Variants in MGAT4C observed in about 807,000 individuals in gnomAD.
The protein encoded by MGAT4C is alpha-1,3-mannosyl-glycoprotein 4-beta-N-acetylglucosaminyltransferase C.
A neutral mutation model predicts 40.1 loss-of-function variants in MGAT4C; 19 were observed. The ratio of observed to expected loss-of-function variants is 0.47; its 90% CI spans 0.33 to 0.70. The LOEUF is 0.70. Ranked by LOEUF, MGAT4C falls within the 30% of genes least tolerant of loss-of-function variation. The probability of loss-of-function intolerance (pLI) is 0.02; values close to 1 mark genes in which losing one functional copy is unlikely to be tolerated. For missense variants in MGAT4C, 491 were observed against 563.2 expected, an observed-to-expected ratio of 0.87 and a Z score of 1.30; for synonymous variants, 181 against 187.1, an observed-to-expected ratio of 0.97 and a Z score of 0.27.
At chr12:86,390,445 A>T (rs1027431314) in intron 3 of MGAT4C, among the ~76,000 whole-genome samples, 1 of 152,218 alleles carries the variant, frequency 6.6e-6, no homozygotes, top group African/African-American at 2.4e-5. Flanking sequence ...GAAAATATTT[A>T]TGGAAAATAA....
Position 86,346,898 on chromosome 12 carries a change from G to A in MGAT4C, c.-119-12771C>T, listed in dbSNP as rs117319877. 5.0e-3 allele frequency among the ~76,000 whole-genome samples: 768 copies of A among 152,310 alleles called. 2 individuals carry two copies. The highest frequency in any genetic ancestry group is 8.2e-3 in the Non-Finnish European group (561 of 68,022). On this transcript the variant is annotated intron_variant, in intron 3 of 7. Transcript: ENST00000548651. ...AAAAGGTGGAATAAGCAGACTTGCT[G>A]TGTCTTCCGGCCTTCATCATACTCC...
intron 3 of MGAT4C, among the ~76,000 whole-genome samples, chr12:86,417,075 A>C (rs774051349): frequency 1.3e-5 from 2 of 152,132 alleles, no homozygotes; most frequent in Non-Finnish European, 2.9e-5. Context: ...AGCACTAGGA[A>C]ACTAATACAT....
chr12:86,716,405 T>A (rs1433859773), intron 2 of MGAT4C, among the ~76,000 whole-genome samples: 3 of 152,136 alleles, frequency 2.0e-5, no homozygotes. Context: ...TTGGTGGTGT[T>A]CATTAATCTT....
chr12:86,694,201 C>A (rs545456284), intron 2 of MGAT4C, among the ~76,000 whole-genome samples: 2 of 152,094 alleles, frequency 1.3e-5, no homozygotes, highest in African/African-American at 4.8e-5. Context: ...ATCTTCTTTT[C>A]TCTGCCCTAG....
intron 3 of MGAT4C, among the ~76,000 whole-genome samples, chr12:86,392,844 T>G (rs1047440089): frequency 6.6e-6 from 1 of 152,204 alleles, no homozygotes. Flanking sequence ...TGGAAGAAAT[T>G]CATCATCAAT....
intron 1 of MGAT4C, among the ~76,000 whole-genome samples, chr12:86,066,254 C>G (rs1448514935): frequency 1.3e-5 from 2 of 152,132 alleles, no homozygotes; most frequent in African/African-American, 4.8e-5. Context: ...ATAGCCAAGA[C>G]AATCGTAAGC....
chr12:86,625,637 C>G (rs1236385336), intron 2 of MGAT4C, among the ~76,000 whole-genome samples: 1 of 152,006 alleles, frequency 6.6e-6, no homozygotes, highest in African/African-American at 2.4e-5. Flanking sequence ...GGAAAGCATA[C>G]TAACAGATAT....
chr12:86,361,279 C>T (rs1421839648), intron 3 of MGAT4C, among the ~76,000 whole-genome samples: 2 of 152,110 alleles, frequency 1.3e-5, no homozygotes, highest in Non-Finnish European at 2.9e-5. Flanking sequence ...TACTGGCTAG[C>T]CATACGTAGA....
intron 1 of MGAT4C, among the ~76,000 whole-genome samples, chr12:86,254,101 CAGTACA>C (rs973866213): frequency 2.6e-5 from 4 of 151,880 alleles, no homozygotes; most frequent in African/African-American, 9.7e-5. Flanking sequence ...GAGAATAGGG[CAGTACA>C]AGTAACATCA....
At chr12:86,511,241 A>C (rs1958576813) in intron 2 of MGAT4C, among the ~76,000 whole-genome samples, 1 of 152,086 alleles carries the variant, frequency 6.6e-6, no homozygotes, top group Admixed American at 6.6e-5. Context: ...CTGAATGACT[A>C]CTGGGTACAT....
intron 2 of MGAT4C, among the ~76,000 whole-genome samples, chr12:86,588,803 C>T (rs1304667545): frequency 1.3e-5 from 2 of 151,946 alleles, no homozygotes; most frequent in Non-Finnish European, 2.9e-5. Context: ...TGAATGACTA[C>T]TGGGTACATA....
chr12:86,335,127 C>T (rs568993362), intron 3 of MGAT4C, among the ~76,000 whole-genome samples: 1 of 152,104 alleles, frequency 6.6e-6, no homozygotes, highest in East Asian at 1.9e-4. Flanking sequence ...TTCTAGTTAA[C>T]TATCCATTAA....
rs147687550 is a variant in MGAT4C at position 86,013,794 on chromosome 12, A to T, written c.-6-24242T>A. ...AAAAAAAAAAAGACTTTCTTAGTAA[A>T]CTCTTTTCTCTCCTACTCCCATAAA... On this transcript the variant is annotated intron_variant, in intron 2 of 4. Transcript: ENST00000611864. The T allele has an allele frequency of 5.1e-4, 487 of 954,616 alleles. 2 individuals carry two copies. In the African/African-American group the frequency reaches 7.1e-3, roughly 14 times the overall value. 59.1% of individuals were successfully genotyped at this position (954,616 alleles called of 1,614,324 possible).
intron 3 of MGAT4C, among the ~76,000 whole-genome samples, chr12:86,416,175 G>C (rs1036955631): frequency 6.6e-6 from 1 of 152,018 alleles, no homozygotes; most frequent in Non-Finnish European, 1.5e-5. Context: ...CTAAGAAAGA[G>C]TAGACAATAT....
chr12:86,281,083 T>C lies in MGAT4C; in HGVS notation c.-57+52982A>G, dbSNP rs185223989. Among the ~76,000 whole-genome samples the C allele has an allele frequency of 2.1e-3, 321 of 152,200 alleles. 1 individual carries two copies. The highest frequency in any genetic ancestry group is 7.3e-3 in the African/African-American group (305 of 41,548). On this transcript the variant is annotated intron_variant, in intron 4 of 7. Transcript: ENST00000548651. Reference sequence around the variant, plus strand: ...GTTTGTTTTCTATTATCCTATCTTCTTTTTGGTTGCATACATTTTTGTTAT... The same window carrying C: ...GTTTGTTTTCTATTATCCTATCTTCCTTTTGGTTGCATACATTTTTGTTAT...
intron 1 of MGAT4C, among the ~76,000 whole-genome samples, chr12:86,760,212 T>C (rs1316452569): frequency 6.6e-6 from 1 of 152,010 alleles, no homozygotes; most frequent in African/African-American, 2.4e-5. Flanking sequence ...AAACTGTATA[T>C]ACACAGCAGA....
At chr12:86,553,961 T>C (rs1304672164) in intron 2 of MGAT4C, among the ~76,000 whole-genome samples, 1 of 152,168 alleles carries the variant, frequency 6.6e-6, no homozygotes, top group African/African-American at 2.4e-5. Flanking sequence ...GCTTTATCTC[T>C]TCCTTCCATT....
chr12:86,474,222 G>C (rs1360316334), intron 2 of MGAT4C, among the ~76,000 whole-genome samples: 1 of 151,594 alleles, frequency 6.6e-6, no homozygotes, highest in South Asian at 2.1e-4. Flanking sequence ...TCCTTTGTAG[G>C]GACATGGATG....
intron 2 of MGAT4C, among the ~76,000 whole-genome samples, chr12:86,587,197 T>G (rs1018548401): frequency 8.6e-5 from 13 of 151,976 alleles, no homozygotes; most frequent in Admixed American, 3.3e-4. Flanking sequence ...CAGCACCATT[T>G]ATTAAATAGG....
Sources: allele counts gnomAD v4.1 joint callset (sites outside exome capture counted in the v4.1 genomes callset), GRCh38; gene constraint gnomAD v4.1.1; transcripts MANE v1.5; gene names NCBI Gene and HGNC (gene_info 2026-07-23, HGNC 2026-07-21).